Variants in ASB2 observed in about 807,000 individuals in gnomAD.
ASB2 encodes the protein ankyrin repeat and SOCS box protein 2.
ASB2 carries 58 observed loss-of-function variants against 62.4 expected under a neutral mutation model. The ratio of observed to expected loss-of-function variants is 0.93; its 90% CI spans 0.75 to 1.16. The LOEUF (loss-of-function observed/expected upper bound fraction) is 1.16. ASB2 is among the 50% of genes most tolerant of loss of function. ASB2 has a pLI of 0.00. For missense variants in ASB2, 928 were observed against 887.9 expected (o/e 1.05, Z -0.57); for synonymous variants, 386 against 385.3 (o/e 1.00, Z -0.02).
At chr14:93,938,609 C>T (rs953493536) in intron 8 of ASB2, among the ~76,000 whole-genome samples, 4 of 152,166 alleles carry the variant, frequency 2.6e-5, no homozygotes, top group South Asian at 2.1e-4. Flanking sequence ...TGCTTCTGAC[C>T]TGACCCTACA....
chr14:93,956,391 A>G (rs937942927), intron 3 of ASB2, among the ~76,000 whole-genome samples: 10 of 152,196 alleles, frequency 6.6e-5, no homozygotes, highest in Admixed American at 6.5e-4. Flanking sequence ...CAACTCATCA[A>G]GTTCAACTCC....
chr14:93,972,252 C>G (rs1889777658), intron 1 of ASB2, among the ~76,000 whole-genome samples: 1 of 151,828 alleles, frequency 6.6e-6, no homozygotes, highest in Non-Finnish European at 1.5e-5. Context: ...TTGCAATGCT[C>G]TCTCCTTCTG....
chr14:93,948,489 A>G (rs1046800994), intron 6 of ASB2, among the ~76,000 whole-genome samples: 2 of 152,226 alleles, frequency 1.3e-5, no homozygotes, highest in African/African-American at 4.8e-5. Context: ...TAATGTTACC[A>G]TGCTATTAAT....
chr14:93,964,878 CT>C (rs1889538109), intron 1 of ASB2, among the ~76,000 whole-genome samples: 1 of 152,050 alleles, frequency 6.6e-6, no homozygotes, highest in African/African-American at 2.4e-5. Flanking sequence ...TATATATTAT[CT>C]ACCTTCCCAT....
At chr14:93,963,257 T>C (rs2141311952) in intron 2 of ASB2, among the ~76,000 whole-genome samples, 1 of 152,352 alleles carries the variant, frequency 6.6e-6, no homozygotes, top group East Asian at 1.9e-4. Context: ...GTGACTTGCC[T>C]GAGGTCACGC....
At chr14:93,951,842 G>A (rs896319626) in intron 5 of ASB2, among the ~76,000 whole-genome samples, 3 of 152,166 alleles carry the variant, frequency 2.0e-5, no homozygotes, top group Admixed American at 6.5e-5. Flanking sequence ...TTTAGTTCAG[G>A]GTAAAATGCA....
rs57198557 is a variant in ASB2 at position 93,973,094 on chromosome 14, G to C, written c.-74+3340C>G. ...GTGCTCAGGGCTGCAGGCCCCAGCT[G>C]ACTCCACAAGACAGGGCTCTTCTCT... On this transcript the variant is annotated intron_variant, in intron 1 of 9. Coordinates refer to ENST00000555019, the MANE Select transcript of ASB2 (RefSeq NM_001202429.2). 3.9e-3 allele frequency among the ~76,000 whole-genome samples: 600 copies of C among 152,316 alleles called. 5 individuals carry two copies. The highest frequency in any genetic ancestry group is 0.014 in the African/African-American group (568 of 41,560).
rs531776356 is a variant in ASB2 at position 93,961,452 on chromosome 14, A to G, written c.206+2882T>C. ...CAGGTCAGACACAGCGCTTCACTGG[A>G]GGCGTAGGTTAATGGCAGAAGCAGA... On this transcript the variant is annotated intron_variant, in intron 2 of 9. Coordinates refer to ENST00000555019, the MANE Select transcript of ASB2 (RefSeq NM_001202429.2). Among the ~76,000 whole-genome samples the G allele has an allele frequency of 5.9e-5, 9 of 152,306 alleles. No homozygotes were observed. In the South Asian group the frequency reaches 1.9e-3, roughly 32 times the overall value.
chr14:93,955,263 A>G (rs1308454275), intron 3 of ASB2: 1 of 433,864 alleles, frequency 2.3e-6, no homozygotes, highest in Non-Finnish European at 4.7e-6. Context: ...TTGGGCTAGG[A>G]TGGGCTCTGG....
Position 93,939,107 on chromosome 14 carries a change from C to G in ASB2, c.1617+1G>C, listed in dbSNP as rs759206620. On this transcript the variant is annotated splice_donor_variant, in intron 8 of 9. Coordinates refer to ENST00000555019, the MANE Select transcript of ASB2 (RefSeq NM_001202429.2). LOFTEE classifies it high-confidence loss of function. ...CCCCACCGCCAGCGTGCGCTGCCCA[C>G]CTGCACCACGCTGGGCTCCTTGTCG... 2.1e-5 allele frequency: 31 copies of G among 1,486,908 alleles called. No homozygotes were observed. The highest frequency in any genetic ancestry group is 2.2e-4 in the Middle Eastern group (1 of 4,538). 92.1% of individuals were successfully genotyped at this position (1,486,908 alleles called of 1,614,324 possible).
Position 93,941,523 on chromosome 14 carries a change from A to G in ASB2, c.1053-1851T>C, listed in dbSNP as rs1298497095. The G allele has an allele frequency of 3.9e-5, 15 of 387,840 alleles. No homozygotes were observed. In the Admixed American group the frequency reaches 4.8e-4, roughly 12 times the overall value. 24.0% of individuals were successfully genotyped at this position (387,840 alleles called of 1,614,324 possible). On this transcript the variant is annotated intron_variant, in intron 7 of 9. Transcript: ENST00000555019. ...TAAAACCTCAAAAGGAAATTCACAC[A>G]CCCGGGGGGCTAATTGCCTCCTAAT...
intron 7 of ASB2, among the ~76,000 whole-genome samples, chr14:93,943,245 T>C (rs1888597982): frequency 1.3e-5 from 2 of 152,226 alleles, no homozygotes; most frequent in Non-Finnish European, 2.9e-5. Context: ...TCTTGGTATC[T>C]TGACCACCAC....
chr14:93,969,442 C>G lies in ASB2; in HGVS notation c.-73-4830G>C, dbSNP rs1008900677. ...CTGTAAAATGGACAAGGTCAGAGCA[C>G]CTATCTCTTGGGAGAGGGCATTGAT... On this transcript the variant is annotated intron_variant, in intron 1 of 9. Coordinates refer to ENST00000555019, the MANE Select transcript of ASB2 (RefSeq NM_001202429.2). Among the ~76,000 whole-genome samples the G allele has an allele frequency of 1.2e-4, 19 of 152,206 alleles. 1 individual carries two copies.
At position 93,939,393 on chromosome 14, in the gene ASB2, G is replaced by A; in HGVS notation, c.1332C>T (p.Pro444=). ...GADPNRDVIS[P]LLVAIRHGCL... is the part of the protein sequence containing the mutation. ...AGCCGTGGCGGATGGCCACGAGCAA[G>A]GGGCTGATGACGTCGCGGTTGGGGT... The change falls in exon 8 of 10, where the codon CCC becomes CCT. Residue 444 remains proline (P), a synonymous_variant. Transcript: ENST00000555019. 6.2e-7 allele frequency: 1 copy of A among 1,612,970 alleles called. No individual in the cohort carries two copies. Among genetic ancestry groups the A allele is most frequent in the Non-Finnish European group, 8.5e-7 (1 of 1,179,866 alleles).
intron 2 of ASB2, among the ~76,000 whole-genome samples, chr14:93,960,999 C>T (rs1889390689): frequency 1.5e-5 from 2 of 133,192 alleles, no homozygotes; most frequent in Admixed American, 7.4e-5. Context: ...AGTATCAGCT[C>T]AGCTCTCTGT....
chr14:93,968,894 T>G (rs906284506), intron 1 of ASB2, among the ~76,000 whole-genome samples: 2 of 152,148 alleles, frequency 1.3e-5, no homozygotes, highest in African/African-American at 4.8e-5. Flanking sequence ...ACAACAGTGC[T>G]CAAACCCTTG....
At chr14:93,940,415 T>A (rs995379881) in intron 7 of ASB2, 1 of 152,210 alleles carries the variant, frequency 6.6e-6, no homozygotes, top group Middle Eastern at 3.2e-3. Context: ...TGTGCCCTCC[T>A]CTGACTCCAG....
chr14:93,974,385 A>G (rs1446985703), intron 1 of ASB2, among the ~76,000 whole-genome samples: 1 of 152,260 alleles, frequency 6.6e-6, no homozygotes, highest in Admixed American at 6.5e-5. Flanking sequence ...AAAGAGAACC[A>G]CAGACACAAG....
chr14:93,942,849 G>A (rs564179612), intron 7 of ASB2, among the ~76,000 whole-genome samples: 17 of 151,048 alleles, frequency 1.1e-4, no homozygotes, highest in Admixed American at 6.6e-4. Context: ...TGTAATAATA[G>A]TGATGATGAT....
Sources: allele counts gnomAD v4.1 joint callset (sites outside exome capture counted in the v4.1 genomes callset), GRCh38; gene constraint gnomAD v4.1.1; transcripts MANE v1.5; gene names NCBI Gene and HGNC (gene_info 2026-07-23, HGNC 2026-07-21).